The following FAM227B variants were observed in gnomAD, a reference collection of about 807,000 sequenced individuals.
FAM227B encodes family with sequence similarity 227 member B.
A neutral mutation model predicts 73.8 loss-of-function variants in FAM227B; 88 were observed. That is an observed-to-expected ratio of 1.19 (90% confidence interval 1.00 to 1.42). FAM227B has a LOEUF of 1.42. Ranked by LOEUF, FAM227B falls within the 40% of genes most tolerant of loss-of-function variation. The pLI is 0.00. For missense variants in FAM227B, 632 were observed against 590.9 expected (o/e 1.07, Z -0.72); for synonymous variants, 210 against 190.5 (o/e 1.10, Z -0.84).
intron 11 of FAM227B, chr15:49,422,250 TTAGA>T (rs2049748648): frequency 6.3e-6 from 1 of 158,370 alleles, no homozygotes; most frequent in Non-Finnish European, 1.4e-5. Context: ...TAATACTGAT[TTAGA>T]TAGACAACAC....
At chr15:49,481,530 T>A (rs2055946074) in intron 11 of FAM227B, among the ~76,000 whole-genome samples, 1 of 152,200 alleles carries the variant, frequency 6.6e-6, no homozygotes, top group Admixed American at 6.5e-5. Flanking sequence ...CATGAATGCA[T>A]CAACATCATA....
At chr15:49,491,259 C>G (rs1375815382) in intron 11 of FAM227B, among the ~76,000 whole-genome samples, 1 of 151,776 alleles carries the variant, frequency 6.6e-6, no homozygotes, top group African/African-American at 2.4e-5. Flanking sequence ...AATTCCTTCC[C>G]ATCTCATATA....
chr15:49,544,406 G>C (rs1464714450), intron 9 of FAM227B, among the ~76,000 whole-genome samples: 1 of 152,124 alleles, frequency 6.6e-6, no homozygotes, highest in Non-Finnish European at 1.5e-5. Context: ...GAGCTTTTTG[G>C]ATGAAGACTT....
chr15:49,353,580 G>T (rs1480934569), intron 13 of FAM227B: 1 of 149,634 alleles, frequency 6.7e-6, no homozygotes, highest in Non-Finnish European at 1.5e-5. Context: ...TTATGACATT[G>T]ACACCCAATT....
chr15:49,535,519 T>C (rs946504678), intron 10 of FAM227B, among the ~76,000 whole-genome samples: 2 of 151,778 alleles, frequency 1.3e-5, no homozygotes, highest in African/African-American at 4.8e-5. Context: ...ATCAACACTC[T>C]TTAAACTCTA....
intron 11 of FAM227B, among the ~76,000 whole-genome samples, chr15:49,494,639 G>A (rs2057441675): frequency 6.6e-6 from 1 of 151,918 alleles, no homozygotes; most frequent in South Asian, 2.1e-4. Context: ...GTAGGTATAT[G>A]TATGCCTGCT....
intron 11 of FAM227B, among the ~76,000 whole-genome samples, chr15:49,398,509 C>G (rs1189177852): frequency 7.8e-6 from 1 of 128,698 alleles, no homozygotes; most frequent in Non-Finnish European, 1.6e-5. Context: ...TAATAGATAT[C>G]TACAGAACTC....
chr15:49,474,635 C>T lies in FAM227B; in HGVS notation c.1012+33576G>A, dbSNP rs556248526. On this transcript the variant is annotated intron_variant, in intron 11 of 15. Transcript: ENST00000299338. ...ATAAAATATCAGTTTTCGGCAGGAGCCCCCAACCCCTGGGCTGGGGACCGG... is the reference window on the plus strand; with the variant it reads ...ATAAAATATCAGTTTTCGGCAGGAGTCCCCAACCCCTGGGCTGGGGACCGG... Among the ~76,000 whole-genome samples the T allele has an allele frequency of 9.9e-5, 15 of 152,118 alleles. No homozygotes were observed. In the South Asian group the frequency reaches 2.5e-3, roughly 25 times the overall value.
At chr15:49,393,807 GAAAC>G (rs1596820038) in intron 11 of FAM227B, among the ~76,000 whole-genome samples, 1 of 152,062 alleles carries the variant, frequency 6.6e-6, no homozygotes, top group Admixed American at 6.5e-5. Flanking sequence ...TCATTTGCAA[GAAAC>G]AAACAGAATT....
chr15:49,476,061 T>C (rs1251602379), intron 11 of FAM227B, among the ~76,000 whole-genome samples: 2 of 152,170 alleles, frequency 1.3e-5, no homozygotes, highest in Non-Finnish European at 2.9e-5. Flanking sequence ...TTGCACATAG[T>C]ACTTTTATCT....
chr15:49,477,274 A>G (rs964316964), intron 11 of FAM227B, among the ~76,000 whole-genome samples: 2 of 152,182 alleles, frequency 1.3e-5, no homozygotes, highest in African/African-American at 2.4e-5. Context: ...TGTATCCACT[A>G]TTACAGTATT....
chr15:49,357,407 C>T (rs904031252), intron 13 of FAM227B, among the ~76,000 whole-genome samples: 9 of 150,508 alleles, frequency 6.0e-5, no homozygotes, highest in African/African-American at 2.2e-4. Flanking sequence ...GGGGATATCA[C>T]CACCGATCCC....
At chr15:49,486,234 C>T (rs868781531) in intron 11 of FAM227B, 133 of 152,112 alleles carry the variant, frequency 8.7e-4, no homozygotes, top group African/African-American at 3.1e-3. Flanking sequence ...TCAACAAAAA[C>T]AATAGATTCA....
chr15:49,354,419 C>G (rs2042745946), intron 13 of FAM227B, among the ~76,000 whole-genome samples: 1 of 152,204 alleles, frequency 6.6e-6, no homozygotes, highest in Admixed American at 6.5e-5. Context: ...CAGGGCGAGG[C>G]ATTGCCTCAC....
At chr15:49,478,163 T>C (rs1420302282) in intron 11 of FAM227B, among the ~76,000 whole-genome samples, 1 of 152,162 alleles carries the variant, frequency 6.6e-6, no homozygotes, top group Non-Finnish European at 1.5e-5. Context: ...AGGGAAAACA[T>C]GCAGTATTTA....
chr15:49,388,958 G>A (rs1339220412), intron 11 of FAM227B, among the ~76,000 whole-genome samples: 1 of 151,832 alleles, frequency 6.6e-6, no homozygotes, highest in Non-Finnish European at 1.5e-5. Context: ...AATTCTGAAA[G>A]AATGGCCATT....
At chr15:49,596,564 GAAAA>G (rs1368710773) in intron 3 of FAM227B, among the ~76,000 whole-genome samples, 1 of 150,948 alleles carries the variant, frequency 6.6e-6, no homozygotes, top group Non-Finnish European at 1.5e-5. Flanking sequence ...ATAACACAAA[GAAAA>G]AAAACCATGG....
In FAM227B at chr15:49,354,372, C is replaced by A. The variant is rs551377199; in HGVS notation, c.1271+13076G>T. On this transcript the variant is annotated intron_variant, in intron 13 of 15. Transcript: ENST00000299338. ...ACTAGGGAGTGCCAGACAGTGGGCG[C>A]AGGTCAGTGGGTGCGCGCACCGTGC... Among the ~76,000 whole-genome samples the A allele has an allele frequency of 7.6e-4, 116 of 152,292 alleles. 1 individual carries two copies. Among genetic ancestry groups the A allele is most frequent in the Non-Finnish European group, 1.5e-3 (102 of 68,026 alleles).
At chr15:49,360,753 T>C (rs2044081606) in intron 13 of FAM227B, among the ~76,000 whole-genome samples, 2 of 152,172 alleles carry the variant, frequency 1.3e-5, no homozygotes, top group African/African-American at 4.8e-5. Context: ...CATCCAAAAA[T>C]TATATTTAAA....
Sources: allele counts gnomAD v4.1 joint callset (sites outside exome capture counted in the v4.1 genomes callset), GRCh38; gene constraint gnomAD v4.1.1; transcripts MANE v1.5; gene names NCBI Gene and HGNC (gene_info 2026-07-23, HGNC 2026-07-21).